CDH16: variants seen among roughly 807,000 people sequenced by gnomAD.
The protein encoded by CDH16 is cadherin 16.
Under a neutral mutation model 87.6 loss-of-function variants are expected in CDH16, and 79 were observed. The ratio of observed to expected loss-of-function variants is 0.90; its 90% CI spans 0.75 to 1.09. The LOEUF (loss-of-function observed/expected upper bound fraction) is 1.09, where lower values mean the gene tolerates loss of function less well. Among genes scored for constraint, CDH16 ranks in the 50% least tolerant of loss-of-function variants. CDH16 has a pLI of 0.00. For missense variants in CDH16, 1,124 were observed against 1,071.7 expected, an observed-to-expected ratio of 1.05 and a Z score of -0.68; for synonymous variants, 457 against 439.5, an observed-to-expected ratio of 1.04 and a Z score of -0.50.
At chr16:66,912,172 G>T in intron 12 of CDH16, 32 bp from the exon 13 acceptor site, 1 of 1,606,346 alleles carries the variant, frequency 6.2e-7, no homozygotes, top group South Asian at 1.1e-5. Flanking sequence ...CACTGTGCGG[G>T]CCTGGGCAAG....
chr16:66,910,935 C>G (rs1454903128), intron 14 of CDH16: 1 of 473,520 alleles, frequency 2.1e-6, no homozygotes, highest in African/African-American at 2.0e-5. Context: ...GGCTAAAGGA[C>G]AGGGCTGGGA....
chr16:66,914,148 T>C, intron 7 of CDH16, 68 bp downstream of exon 7: 3 of 1,360,248 alleles, frequency 2.2e-6, no homozygotes, highest in Non-Finnish European at 3.1e-6. Context: ...CCCCCAAATA[T>C]CCATGAGACT....
Position 66,913,616 on chromosome 16 carries a change from G to T in CDH16, c.781-3C>A. 3 of 1,610,950 alleles carry T rather than the reference G, an allele frequency of 1.9e-6. No homozygotes were observed. Among genetic ancestry groups the T allele is most frequent in the Non-Finnish European group, 2.5e-6 (3 of 1,178,338 alleles). The stretch of plus-strand genomic sequence containing the variant: ...ACATCACCCCCACTCCAGTGTACCT[G>T]GGGGGGACACCCCGGGCCAAGGGGC... On this transcript the variant is annotated splice_polypyrimidine_tract_variant and splice_region_variant and intron_variant, in intron 7 of 17. Coordinates refer to ENST00000299752, the MANE Select transcript of CDH16 (RefSeq NM_004062.4).
At position 66,909,281 on chromosome 16, in the gene CDH16, G is replaced by T. The variant is rs1241348268; in HGVS notation, c.2378C>A (p.Thr793Asn). 3 of 1,610,516 alleles carry T rather than the reference G, an allele frequency of 1.9e-6. No homozygotes were observed. The highest frequency in any genetic ancestry group is 2.2e-5 in the East Asian group (1 of 44,868). Residue 793 changes from threonine (T) to asparagine (N), a missense_variant, in exon 17 of 18, where the codon ACC (threonine) becomes AAC (asparagine). By Grantham distance (65) the Thr-to-Asn change is moderately conservative. Transcript: ENST00000299752. The surrounding 1 kb of genome is among the most constrained non-coding windows in gnomAD (Gnocchi z 4.1). ...KLSAVGILVG[T>N]LVAIGIFLIL... ...ACCTCCATTACCTATTGCTACCAGGGTGCCTACAAGGATGCCCACTGCCGA... is the reference window on the plus strand; with the variant it reads ...ACCTCCATTACCTATTGCTACCAGGTTGCCTACAAGGATGCCCACTGCCGA...
rs1962256155 is a variant in CDH16 at position 66,908,453 on chromosome 16, A to G, written c.2429T>C (p.Met810Thr). ...TTGATCCGGGTCCTTCTTCCTTGAC[A>G]TGGTCCAGTGGGTGAAAATGAGGAT... ...FLILIFTHWT[M>T]SRKKDPDQPA... is the part of the protein sequence containing the mutation. Residue 810 changes from methionine (M) to threonine (T), a missense_variant, in exon 18 of 18, where the codon ATG becomes ACG. Coordinates refer to ENST00000299752, the MANE Select transcript of CDH16 (RefSeq NM_004062.4). The G allele has an allele frequency of 6.2e-7, 1 of 1,614,084 alleles. No individual in the cohort carries two copies. The highest frequency in any genetic ancestry group is 8.5e-7 in the Non-Finnish European group (1 of 1,179,968).
chr16:66,915,312 C>T lies in CDH16; in HGVS notation c.491G>A (p.Arg164Gln), dbSNP rs149161540. ...DEPGTANSDLRFHILSQAPAQ... is the reference protein window; with the variant it reads ...DEPGTANSDLQFHILSQAPAQ... Reference sequence around the variant, plus strand: ...TGGAGCCTGGCTCAGGATGTGGAATCGAAGATCCGAGTTGGCTGTGCCTGG... The same window carrying T: ...TGGAGCCTGGCTCAGGATGTGGAATTGAAGATCCGAGTTGGCTGTGCCTGG... Residue 164 changes from arginine to glutamine, a missense_variant, in exon 6 of 18, where the codon CGA becomes CAA. Physicochemically the swap from Arg to Gln is conservative, Grantham distance 43. Coordinates refer to ENST00000299752, the MANE Select transcript of CDH16 (RefSeq NM_004062.4). 100 of 1,613,730 alleles carry T rather than the reference C, an allele frequency of 6.2e-5. No homozygotes were observed. Among genetic ancestry groups the T allele is most frequent in the Non-Finnish European group, 8.1e-5 (96 of 1,179,970 alleles).
intron 10 of CDH16, 24 bp from the exon 11 acceptor site, chr16:66,912,604 G>A (rs1962480699): frequency 6.2e-7 from 1 of 1,614,046 alleles, no homozygotes; most frequent in South Asian, 1.1e-5. Context: ...GGACGTGTTG[G>A]TGAGGTCAGG....
In CDH16 at chr16:66,909,404, G is replaced by T; in HGVS notation, c.2276-21C>A. On this transcript the variant is annotated intron_variant, in intron 16 of 17. Transcript: ENST00000299752. This position sits in a 1 kb window ranked among gnomAD's most constrained non-coding sequence, Gnocchi z 4.1. ...GATCACTGAGGGGAGAGGGGAGGAAGGTAAGGGGAGGGAGGGGAGGGCTCC... is the reference window on the plus strand; with the variant it reads ...GATCACTGAGGGGAGAGGGGAGGAATGTAAGGGGAGGGAGGGGAGGGCTCC... 1 of 1,376,216 alleles carries T rather than the reference G, an allele frequency of 7.3e-7. No homozygotes were observed. The highest frequency in any genetic ancestry group is 1.0e-6 in the Non-Finnish European group (1 of 978,164). The allele number at this position is 1,376,216 out of a possible 1,614,324, so 85.3% of individuals were successfully genotyped here. A position where few individuals can be genotyped will look rare whatever the true frequency, so the allele number is the denominator to read the frequency against.
chr16:66,915,985 G>C (rs1249694659), intron 5 of CDH16, 80 bp downstream of exon 5: 18 of 1,525,736 alleles, frequency 1.2e-5, no homozygotes, highest in South Asian at 1.1e-4. Context: ...TATGCCAACT[G>C]TCTGGCCATC....
chr16:66,910,228 C>T (rs765423088), intron 15 of CDH16, 32 bp downstream of exon 15: 2 of 1,565,942 alleles, frequency 1.3e-6, no homozygotes, highest in Non-Finnish European at 1.7e-6. Context: ...CCTGCCTTGG[C>T]CACAGCCTCC....
chr16:66,910,781 G>A, intron 14 of CDH16: 1 of 397,116 alleles, frequency 2.5e-6, no homozygotes, highest in Non-Finnish European at 4.5e-6. Flanking sequence ...TCTCTGTCCT[G>A]AGCAGTGTTC....
At position 66,909,272 on chromosome 16, in the gene CDH16, G is replaced by C; in HGVS notation, c.2387C>G (p.Ala796Gly). 6.2e-7 allele frequency: 1 copy of C among 1,604,620 alleles called. No homozygotes were observed. The highest frequency in any genetic ancestry group is 8.5e-7 in the Non-Finnish European group (1 of 1,171,390). ...AVGILVGTLV[A>G]IGIFLILIFT... ...TAATGTCCAACCTCCATTACCTATTGCTACCAGGGTGCCTACAAGGATGCC... is the reference window on the plus strand; with the variant it reads ...TAATGTCCAACCTCCATTACCTATTCCTACCAGGGTGCCTACAAGGATGCC... The change falls in exon 17 of 18, where the codon GCA becomes GGA. Residue 796 changes from alanine to glycine, a missense_variant. Physicochemically the swap from Ala to Gly is moderately conservative, Grantham distance 60. Transcript: ENST00000299752. The surrounding 1 kb of genome is among the most constrained non-coding windows in gnomAD (Gnocchi z 4.1).
Position 66,909,375 on chromosome 16 carries a change from A to G in CDH16, c.2284T>C (p.Cys762Arg), listed in dbSNP as rs1163442929. 1.4e-6 allele frequency: 2 copies of G among 1,480,384 alleles called. No individual in the cohort carries two copies. The highest frequency in any genetic ancestry group is 2.2e-5 in the South Asian group (2 of 89,198). The allele number at this position is 1,480,384 out of a possible 1,614,324, so 91.7% of individuals were successfully genotyped here. The change falls in exon 17 of 18, where the codon TGT (cysteine) becomes CGT (arginine). Residue 762 changes from cysteine to arginine, a missense_variant. Transcript: ENST00000299752. The surrounding 1 kb of genome is among the most constrained non-coding windows in gnomAD (Gnocchi z 4.1). ...MWQLLVRVIV[C>R]RCNVEGQCMR... Reference sequence around the variant, plus strand: ...CACTGCCCCTCCACGTTGCAGCGACACACGATCACTGAGGGGAGAGGGGAG... The same window carrying G: ...CACTGCCCCTCCACGTTGCAGCGACGCACGATCACTGAGGGGAGAGGGGAG...
Position 66,916,111 on chromosome 16 carries a change from G to A in CDH16, c.378C>T (p.Phe126=), listed in dbSNP as rs1405827243. The A allele has an allele frequency of 1.2e-6, 2 of 1,614,222 alleles. No homozygotes were observed. Among genetic ancestry groups the A allele is most frequent in the Non-Finnish European group, 8.5e-7 (1 of 1,180,040 alleles). ...VKDENDQVPH[F]SQAIYRARLS... is the part of the protein sequence containing the mutation. ...GCCGAGCTCTGTAGATGGCTTGAGA[G>A]AAATGGGGCACCTGGTCATTCTCAT... The change falls in exon 5 of 18, where the codon TTC becomes TTT. Residue 126 remains phenylalanine, a synonymous_variant. Transcript: ENST00000299752. This position sits in a 1 kb window ranked among gnomAD's most constrained non-coding sequence, Gnocchi z 4.1.
chr16:66,911,814 A>G, intron 13 of CDH16, 85 bp downstream of exon 13: 1 of 1,456,262 alleles, frequency 6.9e-7, no homozygotes. Context: ...GCCACAGATA[A>G]TGTGAGTCCC....
Position 66,914,211 on chromosome 16 carries a change from C to T in CDH16, c.780+5G>A. 5 of 1,607,482 alleles carry T rather than the reference C, an allele frequency of 3.1e-6. No homozygotes were observed. Among genetic ancestry groups the T allele is most frequent in the Non-Finnish European group, 4.3e-6 (5 of 1,174,570 alleles). On this transcript the variant is annotated splice_donor_5th_base_variant and intron_variant, in intron 7 of 17. Transcript: ENST00000299752. ...TGCTTCAGCCACTGACAGCCACTTA[C>T]TCACCTGGGCCATGTGGTGCGGGTA...
Position 66,911,186 on chromosome 16 carries a change from A to C in CDH16, c.1920T>G (p.Asp640Glu), listed in dbSNP as rs750027499. Residue 640 changes from aspartate (D) to glutamate (E), a missense_variant, in exon 14 of 18, where the codon GAT becomes GAG. Physicochemically the swap from Asp to Glu is conservative, Grantham distance 45. Transcript: ENST00000299752. ...DTYTVLVEAQ[D>E]TDEPRLSASA... Reference sequence around the variant, plus strand: ...CCCATCACTGCCTGGCCATACCTGTATCCTGGGCCTCCACAAGCACCGTGT... The same window carrying C: ...CCCATCACTGCCTGGCCATACCTGTCTCCTGGGCCTCCACAAGCACCGTGT... 1 of 1,612,198 alleles carries C rather than the reference A, an allele frequency of 6.2e-7. No homozygotes were observed. The highest frequency in any genetic ancestry group is 8.5e-7 in the Non-Finnish European group (1 of 1,179,226).
chr16:66,916,167 C>T lies in CDH16; in HGVS notation c.322G>A (p.Gly108Ser). Residue 108 changes from glycine to serine, a missense_variant, in exon 5 of 18, where the codon GGT becomes AGT. By Grantham distance (56) the Gly-to-Ser change is moderately conservative (BLOSUM62 0). Transcript: ENST00000299752. This position sits in a 1 kb window ranked among gnomAD's most constrained non-coding sequence, Gnocchi z 4.1. ...ACGTGCACAAGCACAGGCTGTGGAC[C>T]CCACAAGACATGTCCATCCTGCATC... ...LEMQDGHVLWGPQPVLVHVKD... is the reference protein window; with the variant it reads ...LEMQDGHVLWSPQPVLVHVKD... The T allele has an allele frequency of 6.2e-7, 1 of 1,614,250 alleles. No homozygotes were observed. The highest frequency in any genetic ancestry group is 1.1e-5 in the South Asian group (1 of 91,090).
intron 5 of CDH16, among the ~76,000 whole-genome samples, 186 bp from the exon 6 acceptor site, chr16:66,915,564 T>A (rs1175746286): frequency 6.6e-6 from 1 of 152,078 alleles, no homozygotes; most frequent in Non-Finnish European, 1.5e-5. Context: ...GATGGCACCC[T>A]CAGTGGAGTA....
Sources: gnomAD v4.1 joint callset for allele counts (sites outside exome capture counted in the v4.1 genomes callset) on GRCh38, gnomAD v4.1.1 for gene constraint, Gnocchi (gnomAD v3.1) non-coding constraint, MANE v1.5 for transcripts, NCBI Gene and HGNC (gene_info 2026-07-23, HGNC 2026-07-21) for gene names.